CALR3: variants seen among roughly 807,000 people sequenced by gnomAD.
CALR3 encodes calreticulin 3.
Under a neutral mutation model 48.7 loss-of-function variants are expected in CALR3, and 39 were observed. The observed-to-expected ratio is 0.80, with a 90% confidence interval of 0.62 to 1.05. CALR3 has a LOEUF of 1.05. Among genes scored for constraint, CALR3 ranks in the 50% least tolerant of loss-of-function variants. CALR3 has a pLI of 0.00. For missense variants in CALR3, 449 were observed against 474.7 expected (o/e 0.95, Z 0.50); for synonymous variants, 185 against 172.7 (o/e 1.07, Z -0.56).
At chr19:16,483,694 G>A in intron 5 of CALR3, 1 of 479,712 alleles carries the variant, frequency 2.1e-6, no homozygotes, top group Non-Finnish European at 3.8e-6. Flanking sequence ...CTCCAGCCTG[G>A]GCAAGAAGAA....
At chr19:16,494,785 G>T (rs963558762) in intron 2 of CALR3, among the ~76,000 whole-genome samples, 1 of 152,176 alleles carries the variant, frequency 6.6e-6, no homozygotes, top group African/African-American at 2.4e-5. Flanking sequence ...GGCAATTTTG[G>T]TAATGCCTAC....
chr19:16,481,904 C>CTTTTT (rs747167825), intron 7 of CALR3, among the ~76,000 whole-genome samples: 43 of 72,278 alleles, frequency 5.9e-4, no homozygotes, highest in African/African-American at 1.4e-3. Context: ...ACTCCCATCT[C>CTTTTT]TTTTTTTTTT....
At chr19:16,487,548 T>TCCGGG (rs1165444660) in intron 3 of CALR3, among the ~76,000 whole-genome samples, 2 of 151,020 alleles carry the variant, frequency 1.3e-5, no homozygotes, top group Non-Finnish European at 2.9e-5. Context: ...GGTCTCAAAC[T>TCCGGG]CCGGGGCTCA....
At chr19:16,485,315 C>G (rs779047336) in intron 3 of CALR3, 58 bp from the exon 4 acceptor site, 4 of 1,094,244 alleles carry the variant, frequency 3.7e-6, no homozygotes, top group Non-Finnish European at 5.6e-6. Context: ...CGTAGAATAA[C>G]CAACCCACAA....
Position 16,482,740 on chromosome 19 carries a change from C to T in CALR3, c.724G>A (p.Asp242Asn), listed in dbSNP as rs146669521. 5.0e-5 allele frequency: 81 copies of T among 1,613,764 alleles called. No individual in the cohort carries two copies. Among genetic ancestry groups the T allele is most frequent in the Non-Finnish European group, 6.4e-5 (76 of 1,179,966 alleles). Residue 242 changes from aspartate to asparagine, a missense_variant, in exon 6 of 9, where the codon GAC (aspartate) becomes AAC (asparagine). Transcript: ENST00000269881. ...FLDASTSKQS[D>N]WNGDLDGDWP... ...TCCCCATCCAGGTCACCGTTCCAGT[C>T]GCTCTGCTTGCTGGTGCTGGCGTCC...
At position 16,483,923 on chromosome 19, in the gene CALR3, T is replaced by G; in HGVS notation, c.678+7A>C. 1 of 1,613,642 alleles carries G rather than the reference T, an allele frequency of 6.2e-7. No homozygotes were observed. Among genetic ancestry groups the G allele is most frequent in the South Asian group, 1.1e-5 (1 of 91,038 alleles). ...ACTTTTTAGAGTTGCCCAGGAAAAA[T>G]TCACACCTGGGCTTTGTTGTCTTTA... On this transcript the variant is annotated splice_region_variant and intron_variant, in intron 5 of 8. Transcript: ENST00000269881.
chr19:16,488,534 A>C (rs943317933), intron 3 of CALR3, among the ~76,000 whole-genome samples: 4 of 151,952 alleles, frequency 2.6e-5, no homozygotes, highest in Non-Finnish European at 5.9e-5. Context: ...CCTCCTGAGT[A>C]CCTGGGACTA....
chr19:16,479,952 C>G (rs1568484714), intron 8 of CALR3, among the ~76,000 whole-genome samples: 1 of 151,994 alleles, frequency 6.6e-6, no homozygotes, highest in Non-Finnish European at 1.5e-5. Flanking sequence ...CACCTGTAAT[C>G]CCAGCACTTT....
intron 7 of CALR3, among the ~76,000 whole-genome samples, chr19:16,481,751 A>T (rs1356131077): frequency 6.6e-6 from 1 of 151,590 alleles, no homozygotes; most frequent in Admixed American, 6.6e-5. Context: ...TGCCCCCCTC[A>T]GCCTCCCAAA....
intron 8 of CALR3, among the ~76,000 whole-genome samples, 157 bp from the exon 9 acceptor site, chr19:16,479,431 A>AC (rs2093377060): frequency 6.7e-6 from 1 of 148,682 alleles, no homozygotes; most frequent in African/African-American, 2.5e-5. Context: ...CAAAAATACA[A>AC]AAAAAAAAAA....
Position 16,484,833 on chromosome 19 carries a change from T to A in CALR3, c.492+330A>T, listed in dbSNP as rs570834208. Among the ~76,000 whole-genome samples, 85 of 152,322 alleles carry A rather than the reference T, an allele frequency of 5.6e-4. 2 individuals carry two copies. In the South Asian group the frequency reaches 0.018, roughly 32 times the overall value. ...GCACCCAGACATTTCTCCAGAATGT[T>A]TTTTTCATCCTGAATATTTCATTCA... On this transcript the variant is annotated intron_variant, in intron 4 of 8. Transcript: ENST00000269881.
chr19:16,480,793 A>T (rs2093379562), intron 7 of CALR3, 87 bp from the exon 8 acceptor site: 1 of 1,029,256 alleles, frequency 9.7e-7, no homozygotes. Flanking sequence ...TTGGAAATAC[A>T]TGAAGCTCAG....
chr19:16,489,256 G>T (rs994861879), intron 3 of CALR3, among the ~76,000 whole-genome samples: 6 of 152,146 alleles, frequency 3.9e-5, no homozygotes, highest in Non-Finnish European at 8.8e-5. Flanking sequence ...AGGCCAAGGT[G>T]GGTGGATCAC....
intron 8 of CALR3, among the ~76,000 whole-genome samples, chr19:16,479,708 G>A (rs932360063): frequency 3.3e-5 from 5 of 151,366 alleles, no homozygotes; most frequent in Non-Finnish European, 7.4e-5. Context: ...GCAGTGAGTC[G>A]AGATGGCACC....
intron 7 of CALR3, 44 bp downstream of exon 7, chr19:16,482,399 AACAAAAC>A (rs764300840): frequency 7.4e-6 from 12 of 1,612,230 alleles, no homozygotes; most frequent in Non-Finnish European, 1.0e-5. Context: ...AACAAAACAA[AACAAAAC>A]ACACACACGC....
chr19:16,494,730 T>G (rs2122150584), intron 2 of CALR3, among the ~76,000 whole-genome samples: 1 of 152,340 alleles, frequency 6.6e-6, no homozygotes, highest in South Asian at 2.1e-4. Context: ...CTGAGGGGCA[T>G]GGCCCTTGAT....
chr19:16,487,660 G>A (rs1466767631), intron 3 of CALR3, among the ~76,000 whole-genome samples: 3 of 151,240 alleles, frequency 2.0e-5, no homozygotes, highest in Non-Finnish European at 2.9e-5. Context: ...TATTTGAGAC[G>A]GATTTTTGCT....
chr19:16,487,494 A>AAG (rs1255891952), intron 3 of CALR3, among the ~76,000 whole-genome samples: 1 of 151,552 alleles, frequency 6.6e-6, no homozygotes, highest in East Asian at 1.9e-4. Flanking sequence ...AAAAAAAAAA[A>AAG]AAAACATTTT....
chr19:16,494,494 T>C (rs958748115), intron 2 of CALR3, among the ~76,000 whole-genome samples: 2 of 152,180 alleles, frequency 1.3e-5, no homozygotes, highest in African/African-American at 4.8e-5. Flanking sequence ...CCCGAGTAGC[T>C]GGGACTACAG....
Sources: gnomAD v4.1 joint callset for allele counts (sites outside exome capture counted in the v4.1 genomes callset) on GRCh38, gnomAD v4.1.1 for gene constraint, MANE v1.5 for transcripts, NCBI Gene and HGNC (gene_info 2026-07-23, HGNC 2026-07-21) for gene names.